The following TMCO1 variants were observed in gnomAD, a reference collection of about 807,000 sequenced individuals.
TMCO1 encodes the protein calcium load-activated calcium channel.
In TMCO1, 29 loss-of-function variants were observed where a neutral mutation model predicts 29.3. The observed-to-expected ratio is 0.99, with a 90% CI of 0.74 to 1.35. The LOEUF is 1.35. Ranked by LOEUF, TMCO1 falls within the 40% of genes most tolerant of loss-of-function variation. TMCO1 has a pLI of 0.00. For missense variants in TMCO1, 173 were observed against 225.5 expected, an observed-to-expected ratio of 0.77 and a Z score of 1.49; for synonymous variants, 80 against 77.1, an observed-to-expected ratio of 1.04 and a Z score of -0.20.
At chr1:165,768,501 G>C in intron 1 of TMCO1, 181 bp downstream of exon 1, 1 of 1,545,754 alleles carries the variant, frequency 6.5e-7, no homozygotes, top group African/African-American at 1.4e-5. Context: ...AAGAAAACTC[G>C]GCAATCGACT....
intron 5 of TMCO1, among the ~76,000 whole-genome samples, chr1:165,748,908 C>T (rs902592088): frequency 2.0e-5 from 3 of 152,150 alleles, no homozygotes; most frequent in Non-Finnish European, 4.4e-5. Flanking sequence ...CATAGTTTTG[C>T]CTTTTTCATA....
intron 5 of TMCO1, among the ~76,000 whole-genome samples, chr1:165,747,565 A>G (rs908467498): frequency 6.6e-6 from 1 of 152,234 alleles, no homozygotes; most frequent in Admixed American, 6.5e-5. Context: ...TAAGTGCCCC[A>G]GGAACAGTGA....
downstream of TMCO1, chr1:165,724,429 C>T (rs1485697098): frequency 2.2e-6 from 1 of 453,960 alleles, no homozygotes; most frequent in African/African-American, 2.0e-5. Context: ...AGGTAAACAA[C>T]ACAACTTCTT....
At chr1:165,743,772 A>T (rs540424422) in intron 5 of TMCO1, among the ~76,000 whole-genome samples, 1 of 151,780 alleles carries the variant, frequency 6.6e-6, no homozygotes, top group Non-Finnish European at 1.5e-5. Flanking sequence ...AAAATCTTTT[A>T]TATCTTTATA....
At position 165,727,358 on chromosome 1, in the gene TMCO1, T is replaced by C. The variant is rs1015818310; in HGVS notation, c.*665A>G. On this transcript the variant is annotated 3_prime_UTR_variant, in exon 7 of 7. Coordinates refer to ENST00000367881, the MANE Select transcript of TMCO1 (RefSeq NM_019026.6). ...CTCATTTTTAAACTCCAACGAGTTATTACGTTCCTTTCCACTCTTGCTTTC... is the reference window on the plus strand; with the variant it reads ...CTCATTTTTAAACTCCAACGAGTTACTACGTTCCTTTCCACTCTTGCTTTC... The C allele has an allele frequency of 2.6e-5, 12 of 453,976 alleles. No homozygotes were observed. Among genetic ancestry groups the C allele is most frequent in the Non-Finnish European group, 5.3e-5 (12 of 226,802 alleles). 28.1% of individuals were successfully genotyped at this position (453,976 alleles called of 1,614,324 possible).
intron 2 of TMCO1, among the ~76,000 whole-genome samples, chr1:165,766,378 A>G (rs935020372): frequency 6.6e-6 from 1 of 152,226 alleles, no homozygotes; most frequent in African/African-American, 2.4e-5. Flanking sequence ...TCACTGGCCA[A>G]TACAGCCAAA....
intron 5 of TMCO1, among the ~76,000 whole-genome samples, chr1:165,744,080 G>C (rs1002438206): frequency 2.0e-5 from 3 of 151,974 alleles, no homozygotes; most frequent in Non-Finnish European, 2.9e-5. Context: ...TGATGGTCTC[G>C]ATCTCTTGAC....
chr1:165,744,604 A>G (rs1466728236), intron 5 of TMCO1, among the ~76,000 whole-genome samples: 9 of 152,042 alleles, frequency 5.9e-5, no homozygotes, highest in Non-Finnish European at 2.9e-5. Flanking sequence ...CCAGCTGACC[A>G]ACATGGAGAA....
chr1:165,724,578 C>G (rs1456468403), downstream of TMCO1: 1 of 454,034 alleles, frequency 2.2e-6, no homozygotes, highest in South Asian at 1.6e-5. Context: ...TACAGATCAC[C>G]AGCTCTGGGG....
intron 4 of TMCO1, among the ~76,000 whole-genome samples, chr1:165,753,906 C>T (rs1344655757): frequency 1.3e-5 from 2 of 152,112 alleles, no homozygotes; most frequent in Admixed American, 6.5e-5. Context: ...CACCATAAAA[C>T]CAAAGATTCA....
chr1:165,766,862 T>G (rs1652589127), intron 2 of TMCO1, among the ~76,000 whole-genome samples: 1 of 151,966 alleles, frequency 6.6e-6, no homozygotes, highest in African/African-American at 2.4e-5. Flanking sequence ...ATAAAGCATA[T>G]CAAGGTTTCT....
At chr1:165,760,300 A>G (rs1652350844) in intron 2 of TMCO1, among the ~76,000 whole-genome samples, 1 of 152,064 alleles carries the variant, frequency 6.6e-6, no homozygotes, top group Non-Finnish European at 1.5e-5. Flanking sequence ...GCGTAGTGGC[A>G]TATGCCTATA....
intron 6 of TMCO1, among the ~76,000 whole-genome samples, chr1:165,739,038 G>C (rs1217760453): frequency 6.6e-6 from 1 of 152,028 alleles, no homozygotes; most frequent in Non-Finnish European, 1.5e-5. Flanking sequence ...CTGGACAAGT[G>C]GAAATAAAAA....
At chr1:165,763,941 T>C (rs1219321672) in intron 2 of TMCO1, among the ~76,000 whole-genome samples, 1 of 152,230 alleles carries the variant, frequency 6.6e-6, no homozygotes, top group Non-Finnish European at 1.5e-5. Context: ...CTGTATTACT[T>C]TGAATTGCAG....
intron 2 of TMCO1, among the ~76,000 whole-genome samples, chr1:165,767,185 G>GA (rs1484223963): frequency 1.5e-5 from 2 of 137,420 alleles, no homozygotes; most frequent in East Asian, 2.2e-4. Context: ...GGTAATTTAA[G>GA]AAAAAAAACT....
At chr1:165,725,320 T>A, downstream of TMCO1, 1 of 454,004 alleles carries the variant, frequency 2.2e-6, no homozygotes, top group Non-Finnish European at 4.4e-6. Context: ...GATGTAATTT[T>A]AAGTAACTGG....
At chr1:165,732,507 A>C (rs35229159) in intron 6 of TMCO1, among the ~76,000 whole-genome samples, 14,237 of 128,584 alleles carry the variant, frequency 0.11, 760 homozygotes, top group Non-Finnish European at 0.13. Flanking sequence ...CTCTCTCTCT[A>C]TATATATATA....
chr1:165,729,546 C>T (rs1005574964), intron 6 of TMCO1, among the ~76,000 whole-genome samples: 3 of 152,062 alleles, frequency 2.0e-5, no homozygotes, highest in African/African-American at 7.2e-5. Flanking sequence ...TCTTGAACTC[C>T]TGACCTCAGG....
rs756121402 is a variant in TMCO1 at position 165,727,704 on chromosome 1, A to G, written c.*319T>C. 1.6e-4 allele frequency: 72 copies of G among 455,170 alleles called. No homozygotes were observed. The highest frequency in any genetic ancestry group is 5.2e-4 in the African/African-American group (26 of 50,056). The allele number at this position is 455,170 out of a possible 1,614,324, so 28.2% of individuals were successfully genotyped here. A position where few individuals can be genotyped will look rare whatever the true frequency, so the allele number is the denominator to read the frequency against. ...GACAGCCAACTTGCAGGGCATACAC[A>G]GTGCCTTGAGAGTCGGTCCCACAGA... On this transcript the variant is annotated 3_prime_UTR_variant, in exon 7 of 7. Coordinates refer to ENST00000367881, the MANE Select transcript of TMCO1 (RefSeq NM_019026.6).
Sources: allele counts gnomAD v4.1 joint callset (sites outside exome capture counted in the v4.1 genomes callset), GRCh38; gene constraint gnomAD v4.1.1; transcripts MANE v1.5; gene names NCBI Gene and HGNC (gene_info 2026-07-23, HGNC 2026-07-21).